PRKCA: variants seen among roughly 807,000 people sequenced by gnomAD.
PRKCA encodes protein kinase C alpha.
In PRKCA, 27 loss-of-function variants were observed where a neutral mutation model predicts 87.0. That is an observed-to-expected ratio of 0.31 (90% CI 0.23 to 0.43). PRKCA has a LOEUF of 0.43. Among genes scored for constraint, PRKCA ranks in the 20% least tolerant of loss-of-function variants. The pLI is 1.00. For missense variants in PRKCA, 518 were observed against 852.3 expected (o/e 0.61, Z 4.88); for synonymous variants, 329 against 311.1 (o/e 1.06, Z -0.61).
intron 2 of PRKCA, among the ~76,000 whole-genome samples, chr17:66,477,355 G>C (rs1402708949): frequency 6.6e-6 from 1 of 152,080 alleles, no homozygotes; most frequent in Non-Finnish European, 1.5e-5. Context: ...CCTACCCAAG[G>C]GTTATTTGTT....
chr17:66,324,069 G>A (rs1905834534), intron 2 of PRKCA, among the ~76,000 whole-genome samples: 1 of 151,372 alleles, frequency 6.6e-6, no homozygotes, highest in South Asian at 2.1e-4. Flanking sequence ...TTGGGTTTTA[G>A]TTATTTTTGT....
chr17:66,681,451 G>T (rs544541920), intron 5 of PRKCA, among the ~76,000 whole-genome samples: 12 of 152,248 alleles, frequency 7.9e-5, no homozygotes, highest in African/African-American at 2.9e-4. Context: ...ATGAAAGTGG[G>T]AGTAGTGGTG....
At chr17:66,379,653 T>A (rs1256827412) in intron 2 of PRKCA, among the ~76,000 whole-genome samples, 3 of 152,212 alleles carry the variant, frequency 2.0e-5, no homozygotes, top group South Asian at 2.1e-4. Context: ...TTTTGGATTT[T>A]CTTATTGTTG....
At chr17:66,529,354 A>T (rs1967459897) in intron 3 of PRKCA, among the ~76,000 whole-genome samples, 1 of 152,108 alleles carries the variant, frequency 6.6e-6, no homozygotes, top group Admixed American at 6.5e-5. Flanking sequence ...TGGGCTTTTG[A>T]GTTCAAAGAG....
chr17:66,374,282 A>C (rs1313254953), intron 2 of PRKCA, among the ~76,000 whole-genome samples: 2 of 152,082 alleles, frequency 1.3e-5, no homozygotes, highest in Non-Finnish European at 2.9e-5. Flanking sequence ...CCGCTTTGCC[A>C]GCTCTTCTGT....
At position 66,745,444 on chromosome 17, in the gene PRKCA, G is replaced by A. The variant is rs138634092; in HGVS notation, c.1524+2684G>A. Among the ~76,000 whole-genome samples, 55 of 151,896 alleles carry A rather than the reference G, an allele frequency of 3.6e-4. No individual in the cohort carries two copies. In the East Asian group the frequency reaches 0.01, roughly 28 times the overall value. On this transcript the variant is annotated intron_variant, in intron 13 of 16. Transcript: ENST00000413366. ...TCCTACAATCCCAGTGCTTTGGGAGGCCAAGGCAGGTGGATCAATTGAGGT... is the reference window on the plus strand; with the variant it reads ...TCCTACAATCCCAGTGCTTTGGGAGACCAAGGCAGGTGGATCAATTGAGGT...
intron 2 of PRKCA, among the ~76,000 whole-genome samples, chr17:66,427,772 T>C (rs1912892072): frequency 6.6e-6 from 1 of 152,212 alleles, no homozygotes; most frequent in Admixed American, 6.5e-5. Context: ...AAAGCCAAGA[T>C]GGCAGGTGCT....
chr17:66,677,075 T>TTTATTTATTTATTTATTTATTTA (rs1972354938), intron 5 of PRKCA: 4 of 144,486 alleles, frequency 2.8e-5, no homozygotes, highest in Admixed American at 1.4e-4. Flanking sequence ...CACAGCTTAT[T>TTTATTTATTTATTTATTTATTTA]TTTATTTATT....
intron 2 of PRKCA, among the ~76,000 whole-genome samples, chr17:66,411,859 G>A (rs1209971633): frequency 6.6e-6 from 1 of 151,066 alleles, no homozygotes; most frequent in Admixed American, 6.6e-5. Flanking sequence ...GCAATGGGCC[G>A]CCTACTTTCT....
chr17:66,683,337 A>G (rs1161304668), intron 5 of PRKCA, among the ~76,000 whole-genome samples: 1 of 152,240 alleles, frequency 6.6e-6, no homozygotes, highest in Non-Finnish European at 1.5e-5. Context: ...TCAGTGTGCT[A>G]GGCCAGGGAG....
At chr17:66,545,412 G>C (rs1293693095) in intron 3 of PRKCA, among the ~76,000 whole-genome samples, 1 of 152,190 alleles carries the variant, frequency 6.6e-6, no homozygotes, top group Non-Finnish European at 1.5e-5. Flanking sequence ...CTGGGCGACA[G>C]AGCGAGACTC....
chr17:66,467,807 C>T lies in PRKCA; in HGVS notation c.206-28394C>T, dbSNP rs547929949. 2.6e-5 allele frequency among the ~76,000 whole-genome samples: 4 copies of T among 152,198 alleles called. No individual in the cohort carries two copies. The East Asian group carries it at 7.7e-4, about 29-fold the overall frequency. ...TTCTGGGCTCAAGCGATCCCCACGC[C>T]TTGGCCTTCCAAAGTGCTAGGATTA... On this transcript the variant is annotated intron_variant, in intron 2 of 16. Transcript: ENST00000413366.
chr17:66,338,292 G>A (rs535162271), intron 2 of PRKCA, among the ~76,000 whole-genome samples: 6 of 151,934 alleles, frequency 3.9e-5, no homozygotes, highest in Non-Finnish European at 7.4e-5. Context: ...TTTCTGCCTG[G>A]CTCTAGACTG....
chr17:66,388,483 G>A (rs376396088), intron 2 of PRKCA, among the ~76,000 whole-genome samples: 2 of 151,920 alleles, frequency 1.3e-5, no homozygotes, highest in Admixed American at 1.3e-4. Flanking sequence ...TAGTAGAGAC[G>A]GGATTTCACC....
chr17:66,688,528 C>A, intron 7 of PRKCA, 92 bp downstream of exon 7: 1 of 1,467,034 alleles, frequency 6.8e-7, no homozygotes, highest in Non-Finnish European at 9.3e-7. Context: ...TGAGGCTGGA[C>A]ATGGTGCCTC....
intron 13 of PRKCA, among the ~76,000 whole-genome samples, chr17:66,757,204 A>C (rs1219392776): frequency 6.7e-6 from 1 of 149,248 alleles, no homozygotes; most frequent in Non-Finnish European, 1.5e-5. Flanking sequence ...AAACTTCCAA[A>C]ACGGAAAAGC....
intron 3 of PRKCA, among the ~76,000 whole-genome samples, chr17:66,582,639 A>G (rs753479910): frequency 6.6e-6 from 1 of 152,134 alleles, no homozygotes; most frequent in African/African-American, 2.4e-5. Flanking sequence ...TCCTTTATAC[A>G]TTGCCCCATC....
chr17:66,544,060 C>G (rs949474894), intron 3 of PRKCA, among the ~76,000 whole-genome samples: 1 of 152,090 alleles, frequency 6.6e-6, no homozygotes, highest in Non-Finnish European at 1.5e-5. Flanking sequence ...AAAAAAAATA[C>G]AAAAATTAGC....
At chr17:66,773,342 T>C (rs1404424170) in intron 13 of PRKCA, among the ~76,000 whole-genome samples, 1 of 152,212 alleles carries the variant, frequency 6.6e-6, no homozygotes, top group African/African-American at 2.4e-5. Flanking sequence ...TTCAATAGAC[T>C]GAATGTATAT....
Sources: allele counts gnomAD v4.1 joint callset (sites outside exome capture counted in the v4.1 genomes callset), GRCh38; gene constraint gnomAD v4.1.1; transcripts MANE v1.5; gene names NCBI Gene and HGNC (gene_info 2026-07-23, HGNC 2026-07-21).